Variants in DIP2C observed in about 807,000 individuals in gnomAD.
The protein encoded by DIP2C is disco-interacting protein 2 homolog C.
DIP2C carries 33 observed loss-of-function variants against 192.4 expected under a neutral mutation model. That is an observed-to-expected ratio of 0.17 (90% confidence interval 0.13 to 0.23). The LOEUF is 0.23. DIP2C is among the 10% of genes least tolerant of loss of function. The pLI is 1.00. For synonymous variants in DIP2C, 979 were observed against 864.1 expected (o/e 1.13, Z -2.33); for missense variants, 1,537 against 2,110.1 (o/e 0.73, Z 5.32).
chr10:453,466 G>A (rs1471556115), intron 3 of DIP2C, among the ~76,000 whole-genome samples: 1 of 152,210 alleles, frequency 6.6e-6, no homozygotes, highest in Non-Finnish European at 1.5e-5. Flanking sequence ...TGCTTAAAAC[G>A]ATAGGAGAAA....
At chr10:630,603 C>T (rs1326767883) in intron 1 of DIP2C, 1 of 152,274 alleles carries the variant, frequency 6.6e-6, no homozygotes, top group Non-Finnish European at 1.5e-5. Context: ...CAACGTCCGT[C>T]ACGGTGCCGA....
rs1464639124 is a variant in DIP2C at position 281,184 on chromosome 10, C to T, written c.4418+16G>A. 6.2e-7 allele frequency: 1 copy of T among 1,612,826 alleles called. No homozygotes were observed. The highest frequency in any genetic ancestry group is 1.1e-5 in the South Asian group (1 of 91,040). On this transcript the variant is annotated intron_variant, in intron 36 of 36. Transcript: ENST00000280886. Reference sequence around the variant, plus strand: ...CTGCTCCTGATTTGGGTACAAGCTGCAAGCTCACGACTTACCATTCCGTAA... The same window carrying T: ...CTGCTCCTGATTTGGGTACAAGCTGTAAGCTCACGACTTACCATTCCGTAA...
At chr10:678,148 A>T (rs368859237) in intron 1 of DIP2C, among the ~76,000 whole-genome samples, 6 of 152,198 alleles carry the variant, frequency 3.9e-5, no homozygotes, top group African/African-American at 1.4e-4. Context: ...CCCAGCAGAC[A>T]TTTGGGGAGT....
intron 1 of DIP2C, among the ~76,000 whole-genome samples, chr10:583,737 G>A (rs989580266): frequency 2.0e-5 from 3 of 152,158 alleles, no homozygotes; most frequent in Non-Finnish European, 4.4e-5. Flanking sequence ...AAGAACACCC[G>A]ATGCAGAAAC....
chr10:605,772 AG>A (rs1852415253), intron 1 of DIP2C, among the ~76,000 whole-genome samples: 1 of 152,240 alleles, frequency 6.6e-6, no homozygotes, highest in South Asian at 2.1e-4. Flanking sequence ...ATGCCTTCTC[AG>A]GGCTATGATA....
intron 1 of DIP2C, among the ~76,000 whole-genome samples, chr10:581,798 C>CA (rs1024627994): frequency 2.6e-4 from 40 of 152,124 alleles, no homozygotes; most frequent in Admixed American, 2.2e-3. Flanking sequence ...TTCAATCCCC[C>CA]ACCTTTCAAA....
At chr10:654,774 C>T (rs952290223) in intron 1 of DIP2C, among the ~76,000 whole-genome samples, 1 of 152,212 alleles carries the variant, frequency 6.6e-6, no homozygotes, top group Non-Finnish European at 1.5e-5. Context: ...GGTGGTTATA[C>T]TCTGTAGTAT....
At chr10:413,857 C>G (rs144118643) in intron 8 of DIP2C, 56 bp downstream of exon 8, 45 of 1,573,608 alleles carry the variant, frequency 2.9e-5, no homozygotes, top group Middle Eastern at 3.9e-4. Context: ...TTCCTGCGTT[C>G]GGGAGTGGCT....
rs1045360337 is a variant in DIP2C at position 568,362 on chromosome 10, C to T, written c.86-81832G>A. Among the ~76,000 whole-genome samples, 12 of 152,116 alleles carry T rather than the reference C, an allele frequency of 7.9e-5. No individual in the cohort carries two copies. In the South Asian group the frequency reaches 8.3e-4, roughly 11 times the overall value. On this transcript the variant is annotated intron_variant, in intron 1 of 36. Coordinates refer to ENST00000280886, the MANE Select transcript of DIP2C (RefSeq NM_014974.3). ...GCTAGAGTTCTACCGTGGGGTGAGA[C>T]GCTGTTCAACAAGTTTCATAGACCC...
chr10:594,097 G>C (rs1050461232), intron 1 of DIP2C, among the ~76,000 whole-genome samples: 1 of 152,220 alleles, frequency 6.6e-6, no homozygotes, highest in African/African-American at 2.4e-5. Context: ...AGACGTTTAC[G>C]CAGTGGGATG....
intron 4 of DIP2C, 108 bp downstream of exon 4, chr10:440,763 C>T: frequency 6.8e-7 from 1 of 1,462,470 alleles, no homozygotes; most frequent in East Asian, 2.3e-5. Flanking sequence ...ACAAAATCTG[C>T]ATTACTGCTT....
At chr10:587,411 G>T (rs751716879) in intron 1 of DIP2C, among the ~76,000 whole-genome samples, 1 of 152,200 alleles carries the variant, frequency 6.6e-6, no homozygotes, top group Non-Finnish European at 1.5e-5. Context: ...GTCAGCACAC[G>T]GATTGCTGGG....
At position 277,318 on chromosome 10, in the gene DIP2C, G is replaced by A; in HGVS notation, c.*7C>T. 6.2e-7 allele frequency: 1 copy of A among 1,613,386 alleles called. No homozygotes were observed. Among genetic ancestry groups the A allele is most frequent in the Non-Finnish European group, 8.5e-7 (1 of 1,179,700 alleles). ...CTAGAAAAGTCCATGGAAGCCAAGA[G>A]ACGAGACTACATGTTGTAGGCCACA... On this transcript the variant is annotated 3_prime_UTR_variant, in exon 37 of 37. Transcript: ENST00000280886.
chr10:311,258 TA>T (rs1956553263), intron 31 of DIP2C, among the ~76,000 whole-genome samples: 1 of 151,902 alleles, frequency 6.6e-6, no homozygotes. Flanking sequence ...GAGGGTCAAT[TA>T]AAAATAAGTA....
At chr10:650,124 G>A (rs182759956) in intron 1 of DIP2C, 123 of 717,288 alleles carry the variant, frequency 1.7e-4, no homozygotes, top group African/African-American at 1.2e-3. Context: ...GAGTCCTCCC[G>A]TTGGGACAAG....
At chr10:579,490 A>C (rs911139566) in intron 1 of DIP2C, among the ~76,000 whole-genome samples, 4 of 151,608 alleles carry the variant, frequency 2.6e-5, no homozygotes, top group Non-Finnish European at 5.9e-5. Context: ...GTGTACAAAC[A>C]TAAGTGCACT....
intron 30 of DIP2C, 75 bp downstream of exon 30, chr10:329,358 C>T (rs1564563910): frequency 6.8e-7 from 1 of 1,460,202 alleles, no homozygotes. Flanking sequence ...AACTTCACCC[C>T]ATCACAGATG....
At chr10:534,898 G>A (rs959764559) in intron 1 of DIP2C, among the ~76,000 whole-genome samples, 1 of 151,266 alleles carries the variant, frequency 6.6e-6, no homozygotes, top group South Asian at 2.1e-4. Context: ...GGATGGTCTC[G>A]ATCTCCTGAC....
chr10:664,798 G>A (rs1856986756), intron 1 of DIP2C: 1 of 151,864 alleles, frequency 6.6e-6, no homozygotes, highest in African/African-American at 2.4e-5. Context: ...AATATATAGG[G>A]AATTTTTAAA....
Sources: gnomAD v4.1 joint callset for allele counts (sites outside exome capture counted in the v4.1 genomes callset) on GRCh38, gnomAD v4.1.1 for gene constraint, MANE v1.5 for transcripts, NCBI Gene and HGNC (gene_info 2026-07-23, HGNC 2026-07-21) for gene names.